The following SYT16 variants were observed in gnomAD, a reference collection of about 807,000 sequenced individuals.
The protein encoded by SYT16 is synaptotagmin 16.
A neutral mutation model predicts 61.4 loss-of-function variants in SYT16; 42 were observed. The observed-to-expected ratio is 0.68, with a 90% CI of 0.53 to 0.89. The LOEUF is 0.89. Ranked by LOEUF, SYT16 falls within the 40% of genes least tolerant of loss-of-function variation. SYT16 has a pLI of 0.00. For missense variants in SYT16, 804 were observed against 807.3 expected (o/e 1.00, Z 0.05); for synonymous variants, 314 against 302.3 (o/e 1.04, Z -0.40).
At chr14:61,947,049 T>C (rs2050466867) in intron 1 of SYT16, among the ~76,000 whole-genome samples, 1 of 151,890 alleles carries the variant, frequency 6.6e-6, no homozygotes, top group Non-Finnish European at 1.5e-5. Flanking sequence ...CCTCCTTCAT[T>C]TGGTGAGTTG....
chr14:62,059,605 G>T (rs958869919), intron 3 of SYT16, among the ~76,000 whole-genome samples: 1 of 150,106 alleles, frequency 6.7e-6, no homozygotes, highest in Admixed American at 6.6e-5. Context: ...GTTTTTCCTT[G>T]GGTATTCTAT....
At chr14:61,901,509 A>T (rs181693064) in intron 1 of SYT16, among the ~76,000 whole-genome samples, 8 of 152,180 alleles carry the variant, frequency 5.3e-5, no homozygotes, top group Admixed American at 4.6e-4. Context: ...TGTACCCTTA[A>T]GTAGTCTTGA....
intron 3 of SYT16, among the ~76,000 whole-genome samples, chr14:62,051,177 C>T (rs950726608): frequency 6.6e-6 from 1 of 152,240 alleles, no homozygotes; most frequent in Non-Finnish European, 1.5e-5. Context: ...ATGGCAGGCG[C>T]CCCTCCCCCA....
intron 1 of SYT16, among the ~76,000 whole-genome samples, chr14:61,815,956 T>A (rs72716737): frequency 0.12 from 17,569 of 152,254 alleles, 1,081 homozygotes; most frequent in African/African-American, 0.14. Context: ...TTTCTTAGGA[T>A]CAGCCAGGCA....
chr14:61,917,311 A>G (rs1039665832), intron 1 of SYT16, among the ~76,000 whole-genome samples: 1 of 152,150 alleles, frequency 6.6e-6, no homozygotes, highest in Non-Finnish European at 1.5e-5. Context: ...CATACTTAGT[A>G]CACAGCATGG....
At chr14:61,890,822 T>TG (rs1036183323) in intron 1 of SYT16, among the ~76,000 whole-genome samples, 24 of 152,100 alleles carry the variant, frequency 1.6e-4, no homozygotes, top group Admixed American at 3.3e-4. Context: ...TTCCTGCATG[T>TG]GGGGGTTGGC....
chr14:61,853,788 G>C (rs1203430762), intron 1 of SYT16, among the ~76,000 whole-genome samples: 2 of 152,178 alleles, frequency 1.3e-5, no homozygotes, highest in African/African-American at 2.4e-5. Context: ...TTTTAAGGAA[G>C]GAGCTTCTCG....
chr14:61,867,298 A>G (rs1451963006), intron 1 of SYT16, among the ~76,000 whole-genome samples: 1 of 151,772 alleles, frequency 6.6e-6, no homozygotes, highest in African/African-American at 2.4e-5. Flanking sequence ...TTCTTCCTGG[A>G]TTTTCTTGTT....
intron 3 of SYT16, among the ~76,000 whole-genome samples, chr14:62,018,321 TTTTTTG>T (rs2053780560): frequency 7.3e-6 from 1 of 137,282 alleles, no homozygotes; most frequent in Admixed American, 7.3e-5. Flanking sequence ...TTTTTTTTTT[TTTTTTG>T]AGACTGTCTC....
intron 1 of SYT16, among the ~76,000 whole-genome samples, chr14:61,862,905 G>A (rs2047008972): frequency 1.3e-5 from 2 of 152,114 alleles, no homozygotes. Flanking sequence ...CTTTCACTTT[G>A]TAATATGCAT....
intron 3 of SYT16, among the ~76,000 whole-genome samples, chr14:62,049,281 A>G (rs975060193): frequency 1.9e-4 from 29 of 152,246 alleles, no homozygotes; most frequent in African/African-American, 5.3e-4. Context: ...CTGTTTTATC[A>G]GAGACTAGGA....
At chr14:61,959,256 T>C (rs575607164) in intron 1 of SYT16, among the ~76,000 whole-genome samples, 1 of 152,292 alleles carries the variant, frequency 6.6e-6, no homozygotes, top group South Asian at 2.1e-4. Flanking sequence ...TTATGTTTAA[T>C]GGAATTATTG....
intron 2 of SYT16, among the ~76,000 whole-genome samples, chr14:61,983,069 T>C (rs1043554779): frequency 2.6e-5 from 4 of 152,210 alleles, no homozygotes; most frequent in Admixed American, 1.3e-4. Context: ...AAAGAAATAT[T>C]TGTGTTGTTT....
intron 1 of SYT16, among the ~76,000 whole-genome samples, chr14:61,941,799 G>T (rs1022372445): frequency 6.6e-6 from 1 of 152,192 alleles, no homozygotes; most frequent in Non-Finnish European, 1.5e-5. Context: ...TCTCAATGAA[G>T]TGGGGGGCAG....
rs1049048014 is a variant in SYT16 at position 62,102,201 on chromosome 14, G to A, written c.*1494G>A. Reference sequence around the variant, plus strand: ...ACACATAACTCCTCCTCAGCTCCACGTTTTGACAGATTGTAAGCGTAGGCT... The same window carrying A: ...ACACATAACTCCTCCTCAGCTCCACATTTTGACAGATTGTAAGCGTAGGCT... On this transcript the variant is annotated 3_prime_UTR_variant, in exon 8 of 8. Coordinates refer to ENST00000683842, the MANE Select transcript of SYT16 (RefSeq NM_001367656.1). 1 of 152,144 alleles carries A rather than the reference G, an allele frequency of 6.6e-6. No homozygotes were observed. Among genetic ancestry groups the A allele is most frequent in the Non-Finnish European group, 1.5e-5 (1 of 68,022 alleles). The allele number at this position is 152,144 out of a possible 1,614,324, so 9.4% of individuals were successfully genotyped here. A position where few individuals can be genotyped will look rare whatever the true frequency, so the allele number is the denominator to read the frequency against.
At chr14:62,033,014 A>G in intron 3 of SYT16, among the ~76,000 whole-genome samples, 1 of 125,006 alleles carries the variant, frequency 8.0e-6, no homozygotes, top group Non-Finnish European at 1.7e-5. Context: ...TTTGAAAAAC[A>G]TTTCATGAAA....
intron 1 of SYT16, among the ~76,000 whole-genome samples, chr14:61,849,370 C>T (rs1251738160): frequency 6.6e-6 from 1 of 152,106 alleles, no homozygotes; most frequent in Non-Finnish European, 1.5e-5. Context: ...TGGTTCTGAG[C>T]CCAGCACAGC....
intron 2 of SYT16, among the ~76,000 whole-genome samples, chr14:61,982,523 A>C (rs1173568244): frequency 6.6e-6 from 1 of 152,120 alleles, no homozygotes; most frequent in African/African-American, 2.4e-5. Flanking sequence ...GTATGGGGGA[A>C]ACTGCCCCCA....
intron 3 of SYT16, among the ~76,000 whole-genome samples, chr14:62,058,088 G>T (rs4558337): frequency 0.059 from 8,948 of 152,160 alleles, 317 homozygotes; most frequent in Middle Eastern, 0.15. Context: ...ATTCATTCGT[G>T]TTGTTGCAGG....
Sources: gnomAD v4.1 joint callset for allele counts (sites outside exome capture counted in the v4.1 genomes callset) on GRCh38, gnomAD v4.1.1 for gene constraint, MANE v1.5 for transcripts, NCBI Gene and HGNC (gene_info 2026-07-23, HGNC 2026-07-21) for gene names.